Variants in TRAPPC12 observed in about 807,000 individuals in gnomAD.
The protein encoded by TRAPPC12 is TPR repeat protein 15.
In TRAPPC12, 61 loss-of-function variants were observed where a neutral mutation model predicts 69.2. That is an observed-to-expected ratio of 0.88 (90% CI 0.72 to 1.09). TRAPPC12 has a LOEUF of 1.09. Ranked by LOEUF, TRAPPC12 falls within the 50% of genes least tolerant of loss-of-function variation. The probability of loss-of-function intolerance (pLI) is 0.00; values close to 1 mark genes in which losing one functional copy is unlikely to be tolerated. For synonymous variants in TRAPPC12, 469 were observed against 438.9 expected (o/e 1.07, Z -0.86); for missense variants, 1,101 against 1,016.4 (o/e 1.08, Z -1.13).
At chr2:3,392,681 G>A (rs1660890067) in intron 2 of TRAPPC12, among the ~76,000 whole-genome samples, 1 of 152,218 alleles carries the variant, frequency 6.6e-6, no homozygotes. Flanking sequence ...AAACTCTGGA[G>A]ACAGCAAGAG....
chr2:3,394,698 C>T (rs898509112), intron 2 of TRAPPC12, among the ~76,000 whole-genome samples: 5 of 152,032 alleles, frequency 3.3e-5, no homozygotes, highest in African/African-American at 1.2e-4. Context: ...CCTTCCAGCA[C>T]CAAAAGTCTT....
At chr2:3,442,469 ATGGTC>A (rs933539600) in intron 5 of TRAPPC12, among the ~76,000 whole-genome samples, 1 of 152,170 alleles carries the variant, frequency 6.6e-6, no homozygotes. Context: ...CATTATGCGG[ATGGTC>A]TAGAAATGTT....
rs537710417 is a variant in TRAPPC12, at chr2:3,463,525, C to A, written c.1678-2072C>A. ...AGCCATGCCTAAAGTAACTTCCCAT[C>A]AAAGAGCATGGCTTGGTTTCGTAAA... is the stretch of plus-strand genomic sequence containing the variant. On this transcript the variant is annotated intron_variant, in intron 8 of 11. Transcript: ENST00000324266. Among the ~76,000 whole-genome samples, 197 of 151,020 alleles carry A rather than the reference C, an allele frequency of 1.3e-3. 1 individual carries two copies. The highest frequency in any genetic ancestry group is 1.6e-3 in the Non-Finnish European group (107 of 67,820).
chr2:3,433,167 G>A (rs1219383934), intron 5 of TRAPPC12, among the ~76,000 whole-genome samples: 1 of 152,174 alleles, frequency 6.6e-6, no homozygotes, highest in East Asian at 1.9e-4. Context: ...CCAGCGTTGA[G>A]CACAGGCAAA....
chr2:3,418,734 C>T (rs1265084199), intron 3 of TRAPPC12, among the ~76,000 whole-genome samples: 1 of 152,206 alleles, frequency 6.6e-6, no homozygotes, highest in East Asian at 1.9e-4. Flanking sequence ...GCACCAGGCC[C>T]AGCTGCTGGA....
intron 1 of TRAPPC12, among the ~76,000 whole-genome samples, chr2:3,383,674 G>A (rs6716036): frequency 0.28 from 41,992 of 151,692 alleles, 6,160 homozygotes; most frequent in Non-Finnish European, 0.32. Flanking sequence ...GAAAGTGCTG[G>A]GATTACAGGC....
At chr2:3,471,810 G>C (rs1302540033) in intron 9 of TRAPPC12, among the ~76,000 whole-genome samples, 2 of 152,172 alleles carry the variant, frequency 1.3e-5, no homozygotes, top group Non-Finnish European at 2.9e-5. Flanking sequence ...TTGGGACTGA[G>C]AGGGTCCTCA....
At chr2:3,419,068 G>T (rs1250935676) in intron 3 of TRAPPC12, among the ~76,000 whole-genome samples, 1 of 152,152 alleles carries the variant, frequency 6.6e-6, no homozygotes, top group Non-Finnish European at 1.5e-5. Context: ...CTCTCGCCTT[G>T]TTTTGCACAC....
intron 5 of TRAPPC12, among the ~76,000 whole-genome samples, chr2:3,430,670 A>G (rs1465349755): frequency 6.6e-6 from 1 of 152,288 alleles, no homozygotes; most frequent in Non-Finnish European, 1.5e-5. Context: ...TTAAAAATAC[A>G]AACATAACCT....
chr2:3,388,261 C>G lies in TRAPPC12; in HGVS notation c.638C>G (p.Thr213Arg), dbSNP rs762173422. 3 of 1,608,276 alleles carry G rather than the reference C, an allele frequency of 1.9e-6. No homozygotes were observed. Among genetic ancestry groups the G allele is most frequent in the East Asian group, 2.3e-5 (1 of 44,358 alleles). ...SPSLSTFFGD[T>R]AASHSLASDF... is the part of the protein sequence containing the mutation. The stretch of plus-strand genomic sequence containing the variant: ...AGCCTCAGCACGTTCTTCGGAGACA[C>G]GGCCGCCAGCCACTCCTTGGCCTCG... Residue 213 changes from threonine to arginine, a missense_variant, in exon 2 of 12, where the codon ACG (threonine) becomes AGG (arginine). By Grantham distance (71) the Thr-to-Arg change is moderately conservative. Coordinates refer to ENST00000324266, the MANE Select transcript of TRAPPC12 (RefSeq NM_016030.6).
intron 2 of TRAPPC12, among the ~76,000 whole-genome samples, chr2:3,398,493 A>ATGTGGCAGAAAGCTCAGCGTGTTC (rs1661247431): frequency 6.6e-6 from 1 of 152,156 alleles, no homozygotes; most frequent in Non-Finnish European, 1.5e-5. Flanking sequence ...TGCATTGGCG[A>ATGTGGCAGAAAGCTCAGCGTGTTC]TGTGGCAGAA....
At chr2:3,463,016 T>C (rs767183755) in intron 8 of TRAPPC12, 5 of 460,228 alleles carry the variant, frequency 1.1e-5, no homozygotes, top group Non-Finnish European at 2.3e-5. Context: ...TGTAAACACG[T>C]GTGGCTGCTG....
chr2:3,400,384 C>T (rs1315234618), intron 2 of TRAPPC12, among the ~76,000 whole-genome samples: 1 of 150,968 alleles, frequency 6.6e-6, no homozygotes, highest in African/African-American at 2.4e-5. Context: ...CCACTGCTTC[C>T]TCCTCCCAGG....
intron 3 of TRAPPC12, among the ~76,000 whole-genome samples, chr2:3,407,151 A>G (rs562569124): frequency 2.6e-5 from 4 of 152,302 alleles, no homozygotes; most frequent in Admixed American, 1.3e-4. Context: ...ACAGCCTGGG[A>G]GAAGGACGTG....
At chr2:3,385,142 C>A (rs1158293035) in intron 1 of TRAPPC12, among the ~76,000 whole-genome samples, 1 of 152,082 alleles carries the variant, frequency 6.6e-6, no homozygotes, top group Non-Finnish European at 1.5e-5. Context: ...ATAAAAGCAT[C>A]ATCTAAATCA....
intron 5 of TRAPPC12, among the ~76,000 whole-genome samples, chr2:3,431,309 A>G (rs1458250706): frequency 2.6e-5 from 4 of 152,174 alleles, no homozygotes; most frequent in Non-Finnish European, 5.9e-5. Flanking sequence ...TCCCCACAGC[A>G]CAGCCGTCTG....
chr2:3,457,514 A>G, intron 6 of TRAPPC12, 107 bp from the exon 7 acceptor site: 1 of 812,286 alleles, frequency 1.2e-6, no homozygotes, highest in Non-Finnish European at 2.1e-6. Context: ...CCCTTGACAA[A>G]TTGTTTTCAT....
intron 2 of TRAPPC12, among the ~76,000 whole-genome samples, chr2:3,392,304 C>T (rs970019515): frequency 4.3e-5 from 6 of 140,368 alleles, no homozygotes; most frequent in Admixed American, 1.4e-4. Context: ...TCTCTCCTGA[C>T]ACAAAGGAAG....
intron 5 of TRAPPC12, among the ~76,000 whole-genome samples, chr2:3,436,731 CT>C (rs1196320697): frequency 3.9e-4 from 59 of 151,406 alleles, no homozygotes; most frequent in African/African-American, 1.4e-3. Flanking sequence ...CCCACCACCC[CT>C]GGATTAATAC....
Sources: allele counts gnomAD v4.1 joint callset (sites outside exome capture counted in the v4.1 genomes callset), GRCh38; gene constraint gnomAD v4.1.1; transcripts MANE v1.5; gene names NCBI Gene and HGNC (gene_info 2026-07-23, HGNC 2026-07-21).